The following BMP1 variants were observed in gnomAD, a reference collection of about 807,000 sequenced individuals.
BMP1 encodes the protein bone morphogenetic protein 1, also known as mammalian tolloid protein.
In BMP1, 63 loss-of-function variants were observed where a neutral mutation model predicts 116.8. That is an observed-to-expected ratio of 0.54 (90% CI 0.44 to 0.67). The LOEUF is 0.67. BMP1 is among the 30% of genes least tolerant of loss of function. The pLI is 0.00. For synonymous variants in BMP1, 536 were observed against 533.4 expected, an observed-to-expected ratio of 1.00 and a Z score of -0.07; for missense variants, 1,183 against 1,358.9, an observed-to-expected ratio of 0.87 and a Z score of 2.04.
intron 16 of BMP1, among the ~76,000 whole-genome samples, chr8:22,206,032 T>C (rs1829347045): frequency 6.6e-6 from 1 of 152,162 alleles, no homozygotes; most frequent in South Asian, 2.1e-4. Flanking sequence ...CCCCTGTGAC[T>C]GTCCAGGCTG....
intron 1 of BMP1, 98 bp from the exon 2 acceptor site, chr8:22,173,504 T>C: frequency 1.3e-6 from 1 of 757,040 alleles, no homozygotes; most frequent in African/African-American, 1.8e-5. Context: ...GCTGTGGAGG[T>C]TGGGGGCTGG....
chr8:22,171,253 C>T (rs1828268794), intron 1 of BMP1: 1 of 152,176 alleles, frequency 6.6e-6, no homozygotes, highest in Non-Finnish European at 1.5e-5. Context: ...CTCAAGTGTT[C>T]TGATGTCTAA....
chr8:22,198,920 A>C (rs1436898451), intron 15 of BMP1: 8 of 1,219,602 alleles, frequency 6.6e-6, no homozygotes, highest in Non-Finnish European at 8.4e-6. Context: ...AGAGGTGCTC[A>C]CCAGAGGGTT....
At chr8:22,173,318 C>T (rs1251145792) in intron 1 of BMP1, among the ~76,000 whole-genome samples, 1 of 152,142 alleles carries the variant, frequency 6.6e-6, no homozygotes, top group Non-Finnish European at 1.5e-5. Context: ...AGTGGTGAGA[C>T]CCTATCTGCC....
At chr8:22,206,431 G>A (rs1829356221) in intron 16 of BMP1, among the ~76,000 whole-genome samples, 1 of 151,370 alleles carries the variant, frequency 6.6e-6, no homozygotes, top group Non-Finnish European at 1.5e-5. Context: ...AAACCTGGGA[G>A]GTGGAGGTTG....
Position 22,168,875 on chromosome 8 carries a change from T to C in BMP1, c.148+3322T>C, listed in dbSNP as rs1020605606. On this transcript the variant is annotated intron_variant, in intron 1 of 19. Coordinates refer to ENST00000306385, the MANE Select transcript of BMP1 (RefSeq NM_006129.5). Reference sequence around the variant, plus strand: ...GTGGGGTTCCCCAGGAAGAAGGGATTCTTAAGAAGTCTAGGCAGGGGGCAG... The same window carrying C: ...GTGGGGTTCCCCAGGAAGAAGGGATCCTTAAGAAGTCTAGGCAGGGGGCAG... 5.9e-5 allele frequency among the ~76,000 whole-genome samples: 9 copies of C among 152,220 alleles called. No individual in the cohort carries two copies. In the South Asian group the frequency reaches 1.9e-3, roughly 32 times the overall value.
intron 1 of BMP1, among the ~76,000 whole-genome samples, chr8:22,173,125 G>A (rs973797082): frequency 1.3e-5 from 2 of 152,182 alleles, no homozygotes; most frequent in South Asian, 2.1e-4. Context: ...CTAGGGTATT[G>A]TCTGGACCAC....
At chr8:22,169,273 A>G (rs979257571) in intron 1 of BMP1, 2 of 151,880 alleles carry the variant, frequency 1.3e-5, no homozygotes, top group Middle Eastern at 3.4e-3. Flanking sequence ...TCCTCAGTCC[A>G]CTAAGAACCT....
At chr8:22,184,684 T>C (rs4507761) in intron 8 of BMP1, among the ~76,000 whole-genome samples, 8,402 of 152,228 alleles carry the variant, frequency 0.055, 313 homozygotes, top group Middle Eastern at 0.12. Context: ...ACCTCGCTAT[T>C]CCCCATAACA....
At chr8:22,196,640 G>A (rs1397030027) in intron 13 of BMP1, 40 bp from the exon 14 acceptor site, 9 of 1,612,254 alleles carry the variant, frequency 5.6e-6, no homozygotes, top group South Asian at 1.1e-5. Flanking sequence ...CCCATGGCAG[G>A]GGCTCCCCGC....
rs759788461 is a variant in BMP1, at chr8:22,179,800, C to T, written c.932C>T (p.Ala311Val). ...QRTRLSKGDI[A>V]QARKLYKCPA... ...ACACGGCTCAGCAAGGGGGACATTG[C>T]CCAAGCCCGCAAGCTTTACAAGTGC... Residue 311 changes from alanine (A) to valine (V), a missense_variant, in exon 7 of 20, where the codon GCC becomes GTC. Around this residue, in one of 4 missense-constraint regions of BMP1, gnomAD observed 956 missense variants for 1,135.2 expected, o/e 0.84. Coordinates refer to ENST00000306385, the MANE Select transcript of BMP1 (RefSeq NM_006129.5). This position sits in a 1 kb window ranked among gnomAD's most constrained non-coding sequence, Gnocchi z 4.6. 44 of 1,613,942 alleles carry T rather than the reference C, an allele frequency of 2.7e-5. No homozygotes were observed. The highest frequency in any genetic ancestry group is 3.7e-5 in the Non-Finnish European group (44 of 1,179,970).
intron 8 of BMP1, among the ~76,000 whole-genome samples, chr8:22,182,543 A>T (rs1211885112): frequency 1.3e-5 from 2 of 152,220 alleles, no homozygotes; most frequent in Non-Finnish European, 2.9e-5. Flanking sequence ...AATGCTGAAT[A>T]CGTAAGATGC....
At chr8:22,206,494 T>TC (rs1360499198) in intron 16 of BMP1, among the ~76,000 whole-genome samples, 2 of 143,906 alleles carry the variant, frequency 1.4e-5, no homozygotes, top group African/African-American at 5.2e-5. Flanking sequence ...AGAGCGAGAC[T>TC]CCATCTCAAA....
intron 16 of BMP1, among the ~76,000 whole-genome samples, chr8:22,206,142 G>A (rs1829348933): frequency 6.6e-6 from 1 of 151,952 alleles, no homozygotes; most frequent in African/African-American, 2.4e-5. Context: ...CTAGGCAGGT[G>A]GATCACTTGG....
chr8:22,171,778 C>T (rs955812289), intron 1 of BMP1: 4 of 152,136 alleles, frequency 2.6e-5, no homozygotes, highest in African/African-American at 9.7e-5. Context: ...AGTTTGGCCT[C>T]GATGACTGCC....
At chr8:22,196,518 C>A in intron 13 of BMP1, 162 bp from the exon 14 acceptor site, 1 of 1,055,984 alleles carries the variant, frequency 9.5e-7, no homozygotes, top group Non-Finnish European at 1.4e-6. Flanking sequence ...CCAGGCCACC[C>A]TGCCTCCTCC....
intron 9 of BMP1, among the ~76,000 whole-genome samples, chr8:22,193,638 G>A (rs978860839): frequency 2.6e-5 from 4 of 152,148 alleles, no homozygotes; most frequent in Non-Finnish European, 5.9e-5. Context: ...ACGAAAATTA[G>A]CTGGGTGTGG....
chr8:22,172,607 C>CTTTTTTTTT (rs368585884), intron 1 of BMP1, among the ~76,000 whole-genome samples: 1 of 97,332 alleles, frequency 1.0e-5, no homozygotes, highest in Non-Finnish European at 1.9e-5. Context: ...TTTATTTCCT[C>CTTTTTTTTT]TTTTTTTTTT....
Position 22,179,878 on chromosome 8 carries a change from G to A in BMP1, c.961+49G>A. The stretch of plus-strand genomic sequence containing the variant: ...GAGGGCGTGGAGGGCAGGGCCTGAG[G>A]GAGGCAGAGGCCAGGTGCCTGGTGC... On this transcript the variant is annotated intron_variant, in intron 7 of 19. Coordinates refer to ENST00000306385, the MANE Select transcript of BMP1 (RefSeq NM_006129.5). This position sits in a 1 kb window ranked among gnomAD's most constrained non-coding sequence, Gnocchi z 4.6. 1 of 1,566,172 alleles carries A rather than the reference G, an allele frequency of 6.4e-7. No individual in the cohort carries two copies. The highest frequency in any genetic ancestry group is 8.7e-7 in the Non-Finnish European group (1 of 1,149,868).
Sources: gnomAD v4.1 joint callset for allele counts (sites outside exome capture counted in the v4.1 genomes callset) on GRCh38, gnomAD v4.1.1 for gene constraint, gnomAD v4.1.1 regional missense constraint, Gnocchi (gnomAD v3.1) non-coding constraint, MANE v1.5 for transcripts, NCBI Gene and HGNC (gene_info 2026-07-23, HGNC 2026-07-21) for gene names.